Variants in TSHZ2 observed in about 807,000 individuals in gnomAD.
The protein encoded by TSHZ2 is teashirt homolog 2.
Under a neutral mutation model 74.4 loss-of-function variants are expected in TSHZ2, and 21 were observed. The ratio of observed to expected loss-of-function variants is 0.28; its 90% CI spans 0.20 to 0.41. The LOEUF (loss-of-function observed/expected upper bound fraction) is 0.41, where lower values mean the gene tolerates loss of function less well. Ranked by LOEUF, TSHZ2 falls within the 10% of genes least tolerant of loss-of-function variation. The pLI, the probability that TSHZ2 is intolerant of heterozygous loss-of-function variation, is 1.00. For missense variants in TSHZ2, 1,244 were observed against 1,293.5 expected (o/e 0.96, Z 0.59); for synonymous variants, 540 against 515.3 (o/e 1.05, Z -0.65).
chr20:53,212,708 G>T (rs964516544), intron 1 of TSHZ2, among the ~76,000 whole-genome samples: 1 of 152,184 alleles, frequency 6.6e-6, no homozygotes, highest in African/African-American at 2.4e-5. Flanking sequence ...ACTTTCCTCT[G>T]TGCCGGCTTC....
chr20:53,206,086 G>T (rs926569451), intron 1 of TSHZ2, among the ~76,000 whole-genome samples: 4 of 152,120 alleles, frequency 2.6e-5, no homozygotes. Flanking sequence ...AGGTGTGGTG[G>T]CACGAGCCTG....
intron 1 of TSHZ2, among the ~76,000 whole-genome samples, chr20:53,231,625 CT>C (rs1312153579): frequency 6.6e-6 from 1 of 152,172 alleles, no homozygotes; most frequent in Non-Finnish European, 1.5e-5. Context: ...CACATATTTA[CT>C]GAGCATTTAC....
At chr20:53,421,933 G>A (rs1413943912) in intron 2 of TSHZ2, among the ~76,000 whole-genome samples, 7 of 151,680 alleles carry the variant, frequency 4.6e-5, no homozygotes, top group African/African-American at 1.5e-4. Context: ...CACCCGCCTC[G>A]GCCTCCCAAA....
chr20:53,145,106 A>C (rs942926785), intron 1 of TSHZ2, among the ~76,000 whole-genome samples: 3 of 152,228 alleles, frequency 2.0e-5, no homozygotes, highest in Non-Finnish European at 4.4e-5. Context: ...TGAAAGATAC[A>C]GCACAAGAAA....
intron 2 of TSHZ2, among the ~76,000 whole-genome samples, chr20:53,408,790 C>T (rs182906709): frequency 5.3e-5 from 8 of 152,294 alleles, no homozygotes; most frequent in East Asian, 3.9e-4. Context: ...TGCTTCCAAA[C>T]GTATCTTTCA....
chr20:53,088,254 C>T (rs1985758471), intron 1 of TSHZ2, among the ~76,000 whole-genome samples: 1 of 152,146 alleles, frequency 6.6e-6, no homozygotes, highest in Non-Finnish European at 1.5e-5. Context: ...GCACTGGATT[C>T]AACTCTGGGA....
At chr20:53,458,351 G>A (rs1338399983) in intron 2 of TSHZ2, among the ~76,000 whole-genome samples, 34 of 152,082 alleles carry the variant, frequency 2.2e-4, no homozygotes, top group African/African-American at 7.5e-4. Flanking sequence ...TTGTGTAGAG[G>A]TGTTTGTAGT....
intron 1 of TSHZ2, among the ~76,000 whole-genome samples, chr20:53,209,791 C>T (rs1008157862): frequency 2.0e-5 from 3 of 152,172 alleles, no homozygotes; most frequent in Non-Finnish European, 4.4e-5. Context: ...AAGAACAGTG[C>T]ATACGTGGAA....
chr20:53,371,067 C>T (rs1327809923), intron 2 of TSHZ2, among the ~76,000 whole-genome samples: 2 of 152,154 alleles, frequency 1.3e-5, no homozygotes, highest in African/African-American at 4.8e-5. Flanking sequence ...AAACAGCTTT[C>T]TCCATGGGTC....
chr20:53,040,196 G>T (rs1370959211), intron 1 of TSHZ2, among the ~76,000 whole-genome samples: 2 of 152,254 alleles, frequency 1.3e-5, no homozygotes, highest in Non-Finnish European at 2.9e-5. Context: ...GACGAGGCCT[G>T]TCTGACAAGG....
chr20:53,435,742 T>C (rs781501086), intron 2 of TSHZ2, among the ~76,000 whole-genome samples: 15 of 152,234 alleles, frequency 9.9e-5, no homozygotes, highest in Non-Finnish European at 1.6e-4. Context: ...GTCGAACTCC[T>C]GACCATGTGA....
chr20:53,139,567 A>G (rs1238520536), intron 1 of TSHZ2, among the ~76,000 whole-genome samples: 1 of 152,140 alleles, frequency 6.6e-6, no homozygotes, highest in Non-Finnish European at 1.5e-5. Context: ...AATCAATCTA[A>G]TTCTGTGTTA....
intron 1 of TSHZ2, among the ~76,000 whole-genome samples, chr20:52,984,177 T>C (rs1981667665): frequency 6.6e-6 from 1 of 152,166 alleles, no homozygotes; most frequent in South Asian, 2.1e-4. Flanking sequence ...AGCGTGATGT[T>C]GGGAGGGCGG....
chr20:53,257,147 T>G (rs1488485670), intron 2 of TSHZ2, among the ~76,000 whole-genome samples: 1 of 152,238 alleles, frequency 6.6e-6, no homozygotes, highest in Non-Finnish European at 1.5e-5. Context: ...TTCCACCTCT[T>G]CCCTTTGGTT....
Position 52,972,778 on chromosome 20 carries a change from G to C in TSHZ2, c.-516G>C, listed in dbSNP as rs1981167260. The stretch of plus-strand genomic sequence containing the variant: ...GAGGAGGAGGAGGAGGGAAAGAGGA[G>C]AAGGAAGAAGAAGAAAAAGAAGAAA... On this transcript the variant is annotated 5_prime_UTR_variant, in exon 1 of 3. Transcript: ENST00000371497. 1 of 144,216 alleles carries C rather than the reference G, an allele frequency of 6.9e-6. No homozygotes were observed. The highest frequency in any genetic ancestry group is 1.4e-5 in the Non-Finnish European group (1 of 70,468). 8.9% of individuals were successfully genotyped at this position (144,216 alleles called of 1,614,324 possible).
intron 2 of TSHZ2, among the ~76,000 whole-genome samples, chr20:53,280,516 C>T (rs1222407151): frequency 1.3e-5 from 2 of 152,162 alleles, no homozygotes; most frequent in African/African-American, 2.4e-5. Context: ...AGAGGGGGAT[C>T]GGTGACCTGG....
At chr20:53,459,484 A>T (rs1985260051) in intron 2 of TSHZ2, among the ~76,000 whole-genome samples, 1 of 148,570 alleles carries the variant, frequency 6.7e-6, no homozygotes, top group Admixed American at 6.7e-5. Flanking sequence ...TGAATACAGC[A>T]CACTGATGGG....
intron 2 of TSHZ2, among the ~76,000 whole-genome samples, chr20:53,415,801 C>T (rs13037733): frequency 0.16 from 4,519 of 27,532 alleles, 213 homozygotes; most frequent in African/African-American, 0.4. Context: ...TGTAGATATA[C>T]ACACACACAC....
chr20:53,012,498 T>C (rs1240270273), intron 1 of TSHZ2, among the ~76,000 whole-genome samples: 2 of 152,158 alleles, frequency 1.3e-5, no homozygotes, highest in Non-Finnish European at 2.9e-5. Context: ...CAAACACACT[T>C]TAAAGCTTGG....
Sources: gnomAD v4.1 joint callset for allele counts (sites outside exome capture counted in the v4.1 genomes callset) on GRCh38, gnomAD v4.1.1 for gene constraint, MANE v1.5 for transcripts, NCBI Gene and HGNC (gene_info 2026-07-23, HGNC 2026-07-21) for gene names.